Variants in MCM8 observed in about 807,000 individuals in gnomAD.
MCM8 encodes the protein minichromosome maintenance 8 homologous recombination repair factor.
Under a neutral mutation model 98.9 loss-of-function variants are expected in MCM8, and 85 were observed. The observed-to-expected ratio is 0.86, with a 90% CI of 0.72 to 1.03. MCM8 has a LOEUF of 1.03. Among genes scored for constraint, MCM8 ranks in the 50% least tolerant of loss-of-function variants. The pLI, the probability that MCM8 is intolerant of heterozygous loss-of-function variation, is 0.00. For synonymous variants in MCM8, 352 were observed against 338.6 expected (o/e 1.04, Z -0.44); for missense variants, 951 against 997.8 (o/e 0.95, Z 0.63).
At position 5,997,350 on chromosome 20, in the gene MCM8, T is replaced by G. The variant is rs1391555190; in HGVS notation, c.*2959T>G. The stretch of plus-strand genomic sequence containing the variant: ...TAGGCATGTGCCACCATGGCTAATT[T>G]TGTATTTTTAGTAGAGACGGGGTTT... On this transcript the variant is annotated 3_prime_UTR_variant, in exon 19 of 19. Transcript: ENST00000610722. 1.3e-5 allele frequency: 2 copies of G among 152,030 alleles called. No individual in the cohort carries two copies. Among genetic ancestry groups the G allele is most frequent in the Admixed American group, 1.3e-4 (2 of 15,270 alleles). The allele number at this position is 152,030 out of a possible 1,614,324, so 9.4% of individuals were successfully genotyped here.
At chr20:5,987,729 CTT>C (rs1020073221) in intron 17 of MCM8, among the ~76,000 whole-genome samples, 1 of 151,986 alleles carries the variant, frequency 6.6e-6, no homozygotes, top group African/African-American at 2.4e-5. Flanking sequence ...ATTAGAGACT[CTT>C]TTTTTATAGC....
At chr20:5,972,653 CAA>C (rs1192903576) in intron 11 of MCM8, 2 of 803,676 alleles carry the variant, frequency 2.5e-6, no homozygotes, top group Admixed American at 4.7e-5. Context: ...CTCCCAAGTT[CAA>C]ACAGTTCTCC....
rs138761187 is a variant in MCM8 at position 5,985,921 on chromosome 20, G to A, written c.1954-1G>A. On this transcript the variant is annotated splice_acceptor_variant, in intron 15 of 18. Transcript: ENST00000610722. LOFTEE classifies it high-confidence loss of function. ...TCTTGGGCCTTTTAATCATGCTTCAGGTGGTTCCTGGAGAAACAATAGATC... is the reference window on the plus strand; with the variant it reads ...TCTTGGGCCTTTTAATCATGCTTCAAGTGGTTCCTGGAGAAACAATAGATC... 4.3e-6 allele frequency: 7 copies of A among 1,614,024 alleles called. No homozygotes were observed. Among genetic ancestry groups the A allele is most frequent in the Non-Finnish European group, 5.9e-6 (7 of 1,179,892 alleles).
At chr20:5,960,513 G>A (rs940170739) in intron 7 of MCM8, among the ~76,000 whole-genome samples, 1 of 152,054 alleles carries the variant, frequency 6.6e-6, no homozygotes, top group African/African-American at 2.4e-5. Flanking sequence ...ATATACATTA[G>A]ATATTTTCTC....
intron 8 of MCM8, 145 bp from the exon 9 acceptor site, chr20:5,967,291 G>T: frequency 1.8e-6 from 1 of 545,878 alleles, no homozygotes; most frequent in Non-Finnish European, 3.0e-6. Flanking sequence ...GGAAACTGCT[G>T]AAGTAATTTT....
In MCM8 at chr20:5,973,139, A is replaced by T. The variant is rs1392678119; in HGVS notation, c.1338A>T (p.Gly446=). The change falls in exon 12 of 19, where the codon GGA becomes GGT. Residue 446 remains glycine (G), a synonymous_variant. Transcript: ENST00000610722. The part of the protein sequence containing the change: ...ADDKNRIPIR[G]DPHILVVGDP... ...ACAAAAACAGAATTCCAATTCGGGG[A>T]GACCCCCACATCCTTGTTGTTGGAG... The T allele has an allele frequency of 6.2e-7, 1 of 1,614,092 alleles. No individual in the cohort carries two copies. Among genetic ancestry groups the T allele is most frequent in the East Asian group, 2.2e-5 (1 of 44,886 alleles).
intron 12 of MCM8, among the ~76,000 whole-genome samples, chr20:5,974,837 A>C (rs957222298): frequency 6.6e-6 from 1 of 152,172 alleles, no homozygotes; most frequent in African/African-American, 2.4e-5. Context: ...TAGATATTTC[A>C]TCTATGTTTG....
At chr20:5,991,977 G>T (rs2089862601) in intron 17 of MCM8, among the ~76,000 whole-genome samples, 1 of 152,152 alleles carries the variant, frequency 6.6e-6, no homozygotes, top group Admixed American at 6.6e-5. Context: ...TTCTTAAACT[G>T]TGACATAGCT....
At chr20:5,972,454 C>G in intron 11 of MCM8, 1 of 256,290 alleles carries the variant, frequency 3.9e-6, no homozygotes. Context: ...GTGATCCACC[C>G]AATTTAGCCT....
intron 13 of MCM8, among the ~76,000 whole-genome samples, chr20:5,980,449 T>G (rs1356570399): frequency 3.3e-5 from 5 of 152,262 alleles, no homozygotes; most frequent in Admixed American, 3.3e-4. Context: ...GCTGAATAAA[T>G]AAATACCAAA....
chr20:5,979,308 A>G (rs1420427504), intron 13 of MCM8, among the ~76,000 whole-genome samples: 1 of 150,960 alleles, frequency 6.6e-6, no homozygotes, highest in East Asian at 1.9e-4. Flanking sequence ...TAGTTCTTGG[A>G]CCTTTTGTCT....
At chr20:5,962,321 A>G (rs1046019048) in intron 7 of MCM8, among the ~76,000 whole-genome samples, 1 of 150,254 alleles carries the variant, frequency 6.7e-6, no homozygotes, top group Admixed American at 6.7e-5. Context: ...AGGCCTTCTC[A>G]AATTCCAGGA....
At chr20:5,956,471 G>A (rs2088984888) in intron 5 of MCM8, among the ~76,000 whole-genome samples, 1 of 152,114 alleles carries the variant, frequency 6.6e-6, no homozygotes, top group Non-Finnish European at 1.5e-5. Context: ...TGTTGCCCAG[G>A]CTGGAGTGCA....
chr20:5,993,409 G>T (rs1486352385), intron 17 of MCM8, 97 bp from the exon 18 acceptor site: 2 of 917,816 alleles, frequency 2.2e-6, no homozygotes, highest in African/African-American at 1.6e-5. Flanking sequence ...GAGCCTTGTG[G>T]CTACTTCCAA....
chr20:5,968,115 C>T (rs1207554124), intron 10 of MCM8, 90 bp downstream of exon 10: 24 of 1,029,426 alleles, frequency 2.3e-5, no homozygotes, highest in East Asian at 4.8e-5. Flanking sequence ...TCAAAATGGT[C>T]GGCAAACTAC....
Position 5,990,459 on chromosome 20 carries a change from A to G in MCM8, c.2241-3047A>G, listed in dbSNP as rs2089828829. Among the ~76,000 whole-genome samples the G allele has an allele frequency of 2.0e-5, 3 of 152,128 alleles. No homozygotes were observed. The South Asian group carries it at 6.2e-4, about 32-fold the overall frequency. The stretch of plus-strand genomic sequence containing the variant: ...GAGGGATCTTGTAGCTGAAAATTTT[A>G]CCAACCTGGCTTTAGTCCCTCTCCA... On this transcript the variant is annotated intron_variant, in intron 17 of 18. Transcript: ENST00000610722.
intron 5 of MCM8, among the ~76,000 whole-genome samples, chr20:5,955,591 C>T (rs1206416292): frequency 2.6e-5 from 4 of 152,048 alleles, no homozygotes; most frequent in East Asian, 3.9e-4. Context: ...ATGGTGTTAT[C>T]GGTTATGAAC....
Position 5,993,487 on chromosome 20 carries a change from T to G in MCM8, c.2241-19T>G. 6.7e-7 allele frequency: 1 copy of G among 1,501,024 alleles called. No individual in the cohort carries two copies. Among genetic ancestry groups the G allele is most frequent in the African/African-American group, 1.4e-5 (1 of 72,096 alleles). The allele number at this position is 1,501,024 out of a possible 1,614,324, so 93.0% of individuals were successfully genotyped here. A position where few individuals can be genotyped will look rare whatever the true frequency, so the allele number is the denominator to read the frequency against. ...TGGCAGTGCTACATTGGGTAATTTTTTCTTCCTTTCTTTTTAAGCATGCTA... is the reference window on the plus strand; with the variant it reads ...TGGCAGTGCTACATTGGGTAATTTTGTCTTCCTTTCTTTTTAAGCATGCTA... On this transcript the variant is annotated intron_variant, in intron 17 of 18. Coordinates refer to ENST00000610722, the MANE Select transcript of MCM8 (RefSeq NM_032485.6).
chr20:5,959,939 C>T lies in MCM8; in HGVS notation c.789+1213C>T, dbSNP rs147138039. On this transcript the variant is annotated intron_variant, in intron 7 of 18. Coordinates refer to ENST00000610722, the MANE Select transcript of MCM8 (RefSeq NM_032485.6). ...TTCTCAAACTCCTGACCTGGTGATCCGCCTGCCTCAGCCTCCCAGAGTGCT... is the reference window on the plus strand; with the variant it reads ...TTCTCAAACTCCTGACCTGGTGATCTGCCTGCCTCAGCCTCCCAGAGTGCT... Among the ~76,000 whole-genome samples the T allele has an allele frequency of 8.3e-3, 1,270 of 152,100 alleles. 15 individuals carry two copies. The highest frequency in any genetic ancestry group is 0.028 in the African/African-American group (1,156 of 41,484).
Sources: gnomAD v4.1 joint callset for allele counts (sites outside exome capture counted in the v4.1 genomes callset) on GRCh38, gnomAD v4.1.1 for gene constraint, MANE v1.5 for transcripts, NCBI Gene and HGNC (gene_info 2026-07-23, HGNC 2026-07-21) for gene names.